The following TXLNB variants were observed in gnomAD, a reference collection of about 807,000 sequenced individuals.
The protein encoded by TXLNB is taxilin beta, also known as beta-taxilin.
A neutral mutation model predicts 57.4 loss-of-function variants in TXLNB; 37 were observed. That is an observed-to-expected ratio of 0.64 (90% CI 0.50 to 0.85). TXLNB has a LOEUF of 0.85. TXLNB is among the 40% of genes least tolerant of loss of function. The pLI, the probability that TXLNB is intolerant of heterozygous loss-of-function variation, is 0.00. For missense variants in TXLNB, 848 were observed against 825.6 expected, an observed-to-expected ratio of 1.03 and a Z score of -0.33; for synonymous variants, 302 against 309.6, an observed-to-expected ratio of 0.98 and a Z score of 0.26.
At chr6:139,274,098 T>C (rs1776834926) in intron 3 of TXLNB, among the ~76,000 whole-genome samples, 1 of 152,246 alleles carries the variant, frequency 6.6e-6, no homozygotes, top group Non-Finnish European at 1.5e-5. Context: ...GATGTTGTCT[T>C]AACTACATAA....
chr6:139,195,639 T>C, the TXLNB span, among the ~76,000 whole-genome samples: 6 of 152,282 alleles, frequency 3.9e-5, no homozygotes, highest in African/African-American at 1.2e-4. Flanking sequence ...AATAATTCTA[T>C]CACATTAAAA....
At chr6:139,190,181 A>G in the TXLNB span, among the ~76,000 whole-genome samples, 1 of 152,214 alleles carries the variant, frequency 6.6e-6, no homozygotes, top group African/African-American at 2.4e-5. Flanking sequence ...CTGCTATAAC[A>G]ATACCTTAGA....
At chr6:139,208,724 T>C in the TXLNB span, among the ~76,000 whole-genome samples, 2 of 152,206 alleles carry the variant, frequency 1.3e-5, no homozygotes, top group Admixed American at 1.3e-4. Flanking sequence ...AGGAAAGCAT[T>C]TGACAAAATC....
intron 1 of TXLNB, among the ~76,000 whole-genome samples, chr6:139,289,660 T>A (rs937623020): frequency 6.6e-6 from 1 of 152,250 alleles, no homozygotes; most frequent in Non-Finnish European, 1.5e-5. Context: ...TAATTCATGC[T>A]ATTTTTCTTT....
At chr6:139,173,165 G>A in the TXLNB span, among the ~76,000 whole-genome samples, 1 of 152,202 alleles carries the variant, frequency 6.6e-6, no homozygotes, top group Non-Finnish European at 1.5e-5. Flanking sequence ...TTTCAATGCC[G>A]TAGAGCAGAG....
intron 2 of TXLNB, among the ~76,000 whole-genome samples, chr6:139,278,051 C>G (rs1776945470): frequency 6.6e-6 from 1 of 152,114 alleles, no homozygotes; most frequent in Non-Finnish European, 1.5e-5. Flanking sequence ...TTCTGGACAT[C>G]CTGTATTTTC....
intron 7 of TXLNB, among the ~76,000 whole-genome samples, chr6:139,250,729 T>C (rs533136242): frequency 1.5e-4 from 23 of 152,298 alleles, no homozygotes; most frequent in Middle Eastern, 3.4e-3. Context: ...TGCAGCCCTG[T>C]AGTTGCAGGC....
intron 9 of TXLNB, among the ~76,000 whole-genome samples, 178 bp from the exon 10 acceptor site, chr6:139,243,492 C>CTTTT (rs1161954954): frequency 1.6e-5 from 2 of 128,098 alleles, no homozygotes; most frequent in African/African-American, 5.9e-5. Context: ...CATCACTTTC[C>CTTTT]TTTTTTTTTT....
At chr6:139,221,842 G>T in the TXLNB span, among the ~76,000 whole-genome samples, 1 of 152,130 alleles carries the variant, frequency 6.6e-6, no homozygotes, top group Non-Finnish European at 1.5e-5. Flanking sequence ...ATTAGATGGC[G>T]TTAAAATGTT....
chr6:139,310,455 T>C, the TXLNB span, among the ~76,000 whole-genome samples: 8 of 152,208 alleles, frequency 5.3e-5, 1 homozygote, highest in South Asian at 1.4e-3. Flanking sequence ...AAGCTATCTA[T>C]CCTACATACA....
chr6:139,245,030 A>G (rs1484020691), intron 8 of TXLNB, among the ~76,000 whole-genome samples: 14 of 152,242 alleles, frequency 9.2e-5, no homozygotes, highest in Admixed American at 9.2e-4. Flanking sequence ...ACTGTATTGA[A>G]TAGAAGACTA....
the TXLNB span, among the ~76,000 whole-genome samples, chr6:139,190,948 C>T: frequency 1.3e-5 from 2 of 151,972 alleles, no homozygotes; most frequent in African/African-American, 2.4e-5. Context: ...AGTTAGAAAA[C>T]GTCAGAAAAA....
the TXLNB span, among the ~76,000 whole-genome samples, chr6:139,199,205 A>T: frequency 6.6e-6 from 1 of 151,004 alleles, no homozygotes; most frequent in Non-Finnish European, 1.5e-5. Flanking sequence ...CTTTGCCTTA[A>T]TTTTTTTTTG....
At chr6:139,262,504 A>G in intron 5 of TXLNB, 75 bp downstream of exon 5, 1 of 1,344,274 alleles carries the variant, frequency 7.4e-7, no homozygotes. Flanking sequence ...TAACTGTCTT[A>G]TTAACCAAGT....
At chr6:139,273,737 C>A (rs768127178) in intron 3 of TXLNB, among the ~76,000 whole-genome samples, 5 of 152,232 alleles carry the variant, frequency 3.3e-5, no homozygotes, top group Non-Finnish European at 5.9e-5. Context: ...GGATTACAGG[C>A]ATGGGCCACT....
chr6:139,171,956 G>A, the TXLNB span, among the ~76,000 whole-genome samples: 1 of 151,824 alleles, frequency 6.6e-6, no homozygotes, highest in Non-Finnish European at 1.5e-5. Flanking sequence ...TCAGCCTCAT[G>A]AGTAGCTGGG....
At chr6:139,239,905 A>G (rs140647780), downstream of TXLNB, among the ~76,000 whole-genome samples, 208 of 152,148 alleles carry the variant, frequency 1.4e-3, 2 homozygotes, top group Middle Eastern at 0.02. The surrounding 1 kb of genome is among the most constrained non-coding windows in gnomAD (Gnocchi z 4.7). Flanking sequence ...CAATATCTTC[A>G]AAGTGTTGAC....
At chr6:139,184,816 G>A in the TXLNB span, among the ~76,000 whole-genome samples, 1 of 152,142 alleles carries the variant, frequency 6.6e-6, no homozygotes, top group Non-Finnish European at 1.5e-5. Context: ...ACTGTTGAGG[G>A]TTGCTTGACT....
the TXLNB span, among the ~76,000 whole-genome samples, chr6:139,202,011 A>C: frequency 7.2e-5 from 11 of 152,210 alleles, no homozygotes; most frequent in Non-Finnish European, 1.6e-4. Flanking sequence ...CTCTTCTAAT[A>C]GTGATACATA....
Sources: gnomAD v4.1 joint callset for allele counts (sites outside exome capture counted in the v4.1 genomes callset) on GRCh38, gnomAD v4.1.1 for gene constraint, Gnocchi (gnomAD v3.1) non-coding constraint, MANE v1.5 for transcripts, NCBI Gene and HGNC (gene_info 2026-07-23, HGNC 2026-07-21) for gene names.